The following ASIC2 variants were observed in gnomAD, a reference collection of about 807,000 sequenced individuals.
The protein encoded by ASIC2 is acid-sensing ion channel 2.
Under a neutral mutation model 57.3 loss-of-function variants are expected in ASIC2, and 25 were observed. The observed-to-expected ratio is 0.44, with a 90% confidence interval of 0.32 to 0.61. ASIC2 has a LOEUF of 0.61. ASIC2 is among the 20% of genes least tolerant of loss of function. The pLI, the probability that ASIC2 is intolerant of heterozygous loss-of-function variation, is 0.06. For synonymous variants in ASIC2, 319 were observed against 307.5 expected, an observed-to-expected ratio of 1.04 and a Z score of -0.39; for missense variants, 641 against 738.1, an observed-to-expected ratio of 0.87 and a Z score of 1.52.
chr17:33,865,127 A>C (rs1567738853), intron 1 of ASIC2, among the ~76,000 whole-genome samples: 1 of 152,174 alleles, frequency 6.6e-6, no homozygotes, highest in Admixed American at 6.5e-5. Context: ...GATGAACAGG[A>C]ATGGAGTCAG....
chr17:33,947,795 AT>A (rs1469693789), intron 1 of ASIC2, among the ~76,000 whole-genome samples: 6 of 151,958 alleles, frequency 3.9e-5, no homozygotes, highest in African/African-American at 1.5e-4. Context: ...AATTGCAGCT[AT>A]TTTTCTTTCT....
intron 1 of ASIC2, among the ~76,000 whole-genome samples, chr17:34,019,211 T>C (rs1409396200): frequency 3.3e-5 from 5 of 152,106 alleles, no homozygotes; most frequent in African/African-American, 4.8e-5. Context: ...CTGGCCAAAG[T>C]AGATTCTTGA....
At chr17:33,404,320 G>T (rs1325764320) in intron 1 of ASIC2, among the ~76,000 whole-genome samples, 2 of 152,180 alleles carry the variant, frequency 1.3e-5, no homozygotes, top group African/African-American at 4.8e-5. Context: ...AGTGAATTTT[G>T]TAGTATGTAA....
At chr17:33,771,336 A>T (rs915633800) in intron 1 of ASIC2, among the ~76,000 whole-genome samples, 19 of 152,158 alleles carry the variant, frequency 1.2e-4, no homozygotes, top group Non-Finnish European at 2.8e-4. Context: ...CCCTAATCTG[A>T]TCTGTGTGGC....
At chr17:34,049,270 G>C (rs1229350903) in intron 1 of ASIC2, among the ~76,000 whole-genome samples, 2 of 151,998 alleles carry the variant, frequency 1.3e-5, no homozygotes, top group East Asian at 3.9e-4. Flanking sequence ...TCCTCCCTTG[G>C]GCAACAGAGC....
At chr17:34,037,543 G>C in intron 1 of ASIC2, 1 of 1,343,098 alleles carries the variant, frequency 7.4e-7, no homozygotes, top group South Asian at 1.4e-5. Flanking sequence ...ATTCGGATTC[G>C]CTATGTTCCA....
chr17:33,360,125 C>G (rs1908542051), intron 1 of ASIC2, among the ~76,000 whole-genome samples: 1 of 152,014 alleles, frequency 6.6e-6, no homozygotes, highest in Non-Finnish European at 1.5e-5. Flanking sequence ...GAGCATGGAT[C>G]TATGATTATG....
intron 1 of ASIC2, among the ~76,000 whole-genome samples, chr17:34,007,594 T>TGATA (rs1256841677): frequency 6.6e-6 from 1 of 152,196 alleles, no homozygotes; most frequent in Non-Finnish European, 1.5e-5. Context: ...ATGACTTGCC[T>TGATA]GATATCACAT....
At chr17:33,741,482 T>C (rs952000432) in intron 1 of ASIC2, among the ~76,000 whole-genome samples, 8 of 152,198 alleles carry the variant, frequency 5.3e-5, no homozygotes, top group Non-Finnish European at 1.0e-4. Flanking sequence ...GCCTCTTCCC[T>C]GCTGGACTGC....
chr17:33,304,798 CCCTTGTGT>C (rs1297761756), intron 1 of ASIC2, among the ~76,000 whole-genome samples: 1 of 152,058 alleles, frequency 6.6e-6, no homozygotes, highest in African/African-American at 2.4e-5. Context: ...AGGTGGTGTT[CCCTTGTGT>C]CCTTTCTGCT....
At chr17:33,407,232 G>A (rs1401548894) in intron 1 of ASIC2, among the ~76,000 whole-genome samples, 1 of 152,214 alleles carries the variant, frequency 6.6e-6, no homozygotes, top group African/African-American at 2.4e-5. Context: ...TTGGAGAAAA[G>A]GACAATGTCT....
intron 1 of ASIC2, among the ~76,000 whole-genome samples, chr17:33,719,724 C>T (rs1170415101): frequency 6.6e-6 from 1 of 152,182 alleles, no homozygotes; most frequent in African/African-American, 2.4e-5. Flanking sequence ...GGGTGTGAGG[C>T]AAGAAGATTG....
intron 1 of ASIC2, 136 bp from the exon 2 acceptor site, chr17:33,112,203 C>G: frequency 8.5e-7 from 1 of 1,181,712 alleles, no homozygotes; most frequent in Non-Finnish European, 1.1e-6. Context: ...TCTCAGGAAC[C>G]AGTGGTTTTT....
chr17:33,640,678 G>T (rs11658082), intron 1 of ASIC2, among the ~76,000 whole-genome samples: 15,812 of 152,310 alleles, frequency 0.1, 1,044 homozygotes, highest in South Asian at 0.16. Context: ...GTTTACAGTA[G>T]AAATGCGTGT....
chr17:34,098,739 A>G (rs1007250704), intron 1 of ASIC2, among the ~76,000 whole-genome samples: 3 of 152,200 alleles, frequency 2.0e-5, no homozygotes, highest in Non-Finnish European at 4.4e-5. Flanking sequence ...GAACCACACT[A>G]AAGGCGACTG....
At chr17:33,080,873 C>T (rs2092110531) in intron 3 of ASIC2, among the ~76,000 whole-genome samples, 1 of 152,134 alleles carries the variant, frequency 6.6e-6, no homozygotes, top group African/African-American at 2.4e-5. Context: ...GAGATTTCAT[C>T]ACGCTGTTCA....
intron 1 of ASIC2, among the ~76,000 whole-genome samples, chr17:33,387,703 C>G (rs117756123): frequency 6.6e-6 from 1 of 152,100 alleles, no homozygotes. Flanking sequence ...TACCCTGGCC[C>G]GGAAAGCAAT....
intron 1 of ASIC2, among the ~76,000 whole-genome samples, chr17:34,103,400 T>TGCTTCA (rs1261550579): frequency 6.6e-6 from 1 of 152,094 alleles, no homozygotes; most frequent in East Asian, 1.9e-4. Flanking sequence ...ACAATCCTCT[T>TGCTTCA]GCTTCAGCCT....
chr17:33,708,996 A>G (rs1597843940), intron 1 of ASIC2, among the ~76,000 whole-genome samples: 1 of 152,226 alleles, frequency 6.6e-6, no homozygotes, highest in Non-Finnish European at 1.5e-5. Context: ...ATAATTACCA[A>G]CTATTCTGGG....
Sources: gnomAD v4.1 joint callset for allele counts (sites outside exome capture counted in the v4.1 genomes callset) on GRCh38, gnomAD v4.1.1 for gene constraint, MANE v1.5 for transcripts, NCBI Gene and HGNC (gene_info 2026-07-23, HGNC 2026-07-21) for gene names.